The following FARP1 variants were observed in gnomAD, a reference collection of about 807,000 sequenced individuals.
FARP1 encodes the protein FERM, ARHGEF and pleckstrin domain-containing protein 1.
Under a neutral mutation model 128.8 loss-of-function variants are expected in FARP1, and 52 were observed. The observed-to-expected ratio is 0.40, with a 90% confidence interval of 0.32 to 0.51. The LOEUF is 0.51. FARP1 is among the 20% of genes least tolerant of loss of function. The pLI, the probability that FARP1 is intolerant of heterozygous loss-of-function variation, is 0.45. For missense variants in FARP1, 1,333 were observed against 1,367.9 expected (o/e 0.97, Z 0.40); for synonymous variants, 580 against 551.8 (o/e 1.05, Z -0.72).
At chr13:98,317,480 A>G (rs746882322) in intron 2 of FARP1, among the ~76,000 whole-genome samples, 6 of 152,212 alleles carry the variant, frequency 3.9e-5, no homozygotes, top group Admixed American at 2.0e-4. Context: ...CATTGACTCC[A>G]TAAGTATATT....
intron 1 of FARP1, among the ~76,000 whole-genome samples, chr13:98,178,436 T>C (rs184244691): frequency 6.6e-6 from 1 of 152,302 alleles, no homozygotes; most frequent in East Asian, 1.9e-4. Context: ...CCTCAGGTGA[T>C]CCACCCACCT....
intron 2 of FARP1, among the ~76,000 whole-genome samples, chr13:98,260,648 TC>T (rs1397714137): frequency 6.6e-6 from 1 of 152,158 alleles, no homozygotes; most frequent in Non-Finnish European, 1.5e-5. Context: ...TGCTTTTTGG[TC>T]CCCTGTTTTT....
intron 2 of FARP1, among the ~76,000 whole-genome samples, chr13:98,291,856 C>T (rs1159722485): frequency 6.6e-6 from 1 of 152,262 alleles, no homozygotes. Flanking sequence ...ACCAAGTTGA[C>T]ACCATCTGGC....
At chr13:98,288,358 T>C (rs371527934) in intron 2 of FARP1, among the ~76,000 whole-genome samples, 1 of 152,192 alleles carries the variant, frequency 6.6e-6, no homozygotes. Context: ...GGGAGCCTCT[T>C]GATATACTTA....
At position 98,351,569 on chromosome 13, in the gene FARP1, G is replaced by A. The variant is rs771931417; in HGVS notation, c.276+7703G>A. ...GGAGCTCGCAGTGAGCTGAGATCAC[G>A]CCACTGCTCTCCAGCCTGGGCAACA... On this transcript the variant is annotated intron_variant, in intron 3 of 26. Coordinates refer to ENST00000319562, the MANE Select transcript of FARP1 (RefSeq NM_005766.4). 1.1e-3 allele frequency among the ~76,000 whole-genome samples: 162 copies of A among 148,552 alleles called. 1 individual carries two copies. The highest frequency in any genetic ancestry group is 2.0e-3 in the Non-Finnish European group (136 of 67,590).
intron 2 of FARP1, among the ~76,000 whole-genome samples, chr13:98,321,119 A>G (rs1192146728): frequency 6.6e-6 from 1 of 152,160 alleles, no homozygotes; most frequent in Non-Finnish European, 1.5e-5. Context: ...TGTTGGTCTT[A>G]TTCAGCCATT....
intron 2 of FARP1, among the ~76,000 whole-genome samples, chr13:98,336,589 C>T (rs1887755296): frequency 6.6e-6 from 1 of 152,212 alleles, no homozygotes; most frequent in South Asian, 2.1e-4. Flanking sequence ...GTTTTAAAGT[C>T]ACAATAAACT....
rs547864277 is a variant in FARP1, at chr13:98,390,850, A to G, written c.1058A>G (p.Glu353Gly). ...AAGCAGGTTCTCGACTATGTTAAAG[A>G]AGGAGGACATAAGAAGGTGCAGTTT... ...TQKQVLDYVK[E>G]GGHKKVQFER... Residue 353 changes from glutamate to glycine, a missense_variant, in exon 11 of 27, where the codon GAA (glutamate) becomes GGA (glycine). By Grantham distance (98) the Glu-to-Gly change is moderately conservative (BLOSUM62 -2). Around this residue, in one of 2 missense-constraint regions of FARP1, gnomAD observed 1,009 missense variants for 969.8 expected, o/e 1.04. Transcript: ENST00000319562. The G allele has an allele frequency of 1.3e-5, 21 of 1,613,778 alleles. 1 individual carries two copies. Among genetic ancestry groups the G allele is most frequent in the South Asian group, 9.9e-5 (9 of 91,028 alleles).
intron 6 of FARP1, chr13:98,384,019 A>G (rs940157156): frequency 6.6e-6 from 1 of 152,114 alleles, no homozygotes; most frequent in Non-Finnish European, 1.5e-5. Flanking sequence ...AATATATAAG[A>G]GTTTCACTTT....
chr13:98,188,556 G>A (rs12429981), intron 1 of FARP1, among the ~76,000 whole-genome samples: 8,350 of 151,996 alleles, frequency 0.055, 271 homozygotes, highest in African/African-American at 0.088. Context: ...GTGAGACTCC[G>A]TCTCAAAAGA....
intron 2 of FARP1, among the ~76,000 whole-genome samples, chr13:98,302,251 A>G (rs150048252): frequency 7.2e-5 from 11 of 152,370 alleles, no homozygotes; most frequent in African/African-American, 2.4e-4. Flanking sequence ...TCTTTCCACC[A>G]CTTTTGTAAA....
intron 2 of FARP1, among the ~76,000 whole-genome samples, chr13:98,226,155 G>A (rs1186292775): frequency 6.6e-6 from 1 of 152,238 alleles, no homozygotes; most frequent in Non-Finnish European, 1.5e-5. Context: ...GAGACCAGCT[G>A]TCTGAGATCA....
At chr13:98,172,173 C>T (rs187732672) in intron 1 of FARP1, among the ~76,000 whole-genome samples, 2 of 151,412 alleles carry the variant, frequency 1.3e-5, no homozygotes, top group East Asian at 3.9e-4. Flanking sequence ...TCTGATTAGC[C>T]GTGAATGAGA....
chr13:98,379,419 A>T (rs960483605), intron 6 of FARP1, among the ~76,000 whole-genome samples: 10 of 150,858 alleles, frequency 6.6e-5, no homozygotes, highest in Non-Finnish European at 1.3e-4. Context: ...GAGAGGAGGG[A>T]GAGGAGGCTT....
At chr13:98,368,042 G>A (rs1889173610) in intron 4 of FARP1, 75 bp from the exon 5 acceptor site, 41 of 1,190,150 alleles carry the variant, frequency 3.4e-5, no homozygotes, top group Non-Finnish European at 4.8e-5. Context: ...ATTTGTATTT[G>A]TAAAGTCTTT....
At chr13:98,241,001 G>A (rs988913252) in intron 2 of FARP1, among the ~76,000 whole-genome samples, 13 of 152,254 alleles carry the variant, frequency 8.5e-5, no homozygotes, top group African/African-American at 3.1e-4. Flanking sequence ...AAGGAAGGCA[G>A]AAGGCAGAAT....
At chr13:98,407,097 T>G (rs1470815483) in intron 13 of FARP1, 1 of 152,734 alleles carries the variant, frequency 6.5e-6, no homozygotes, top group Non-Finnish European at 1.5e-5. Flanking sequence ...TGAATGCTTT[T>G]TCTGTTCCAC....
At chr13:98,405,050 T>C (rs909821568) in intron 13 of FARP1, 1 of 152,220 alleles carries the variant, frequency 6.6e-6, no homozygotes, top group African/African-American at 2.4e-5. Context: ...GAAATGTTTT[T>C]CTTTTCCCAG....
chr13:98,274,315 G>A (rs1459352718), intron 2 of FARP1, among the ~76,000 whole-genome samples: 1 of 152,160 alleles, frequency 6.6e-6, no homozygotes, highest in Non-Finnish European at 1.5e-5. Context: ...AGAAAAGGCA[G>A]CGCGGGGCAG....
Sources: allele counts gnomAD v4.1 joint callset (sites outside exome capture counted in the v4.1 genomes callset), GRCh38; gene constraint gnomAD v4.1.1; regional missense constraint gnomAD v4.1.1; transcripts MANE v1.5; gene names NCBI Gene and HGNC (gene_info 2026-07-23, HGNC 2026-07-21).